FBLN1: variants seen among roughly 807,000 people sequenced by gnomAD.
The protein encoded by FBLN1 is fibulin 1, also known as fibulin-1.
Under a neutral mutation model 89.7 loss-of-function variants are expected in FBLN1, and 34 were observed. That is an observed-to-expected ratio of 0.38 (90% CI 0.29 to 0.50). FBLN1 has a LOEUF of 0.50. FBLN1 is among the 20% of genes least tolerant of loss of function. The pLI is 0.92. For synonymous variants in FBLN1, 393 were observed against 391.3 expected, an observed-to-expected ratio of 1.00 and a Z score of -0.05; for missense variants, 777 against 988.1, an observed-to-expected ratio of 0.79 and a Z score of 2.86.
Position 45,575,318 on chromosome 22 carries a change from G to A in FBLN1, c.1840+665G>A, listed in dbSNP as rs144438279. On this transcript the variant is annotated intron_variant, in intron 15 of 16. Coordinates refer to ENST00000327858, the MANE Select transcript of FBLN1 (RefSeq NM_006486.3). This position sits in a 1 kb window ranked among gnomAD's most constrained non-coding sequence, Gnocchi z 6.3. ...GTGGTGAGGTATTTGAGTGAAAGGG[G>A]GAGAAGGGGAGGAGGGTGCCCAGTG... 1.3e-5 allele frequency among the ~76,000 whole-genome samples: 2 copies of A among 152,166 alleles called. No individual in the cohort carries two copies. Among genetic ancestry groups the A allele is most frequent in the Non-Finnish European group, 1.5e-5 (1 of 68,028 alleles).
intron 2 of FBLN1, among the ~76,000 whole-genome samples, chr22:45,523,635 C>T (rs918860166): frequency 6.6e-6 from 1 of 152,236 alleles, no homozygotes; most frequent in East Asian, 1.9e-4. Context: ...ACCCAGGAAG[C>T]GGAGGTTGCA....
rs2089013626 is a variant in FBLN1, at chr22:45,578,150, C to T, written c.1972+1042C>T. The T allele has an allele frequency of 6.6e-6, 1 of 152,138 alleles. No individual in the cohort carries two copies. The highest frequency in any genetic ancestry group is 2.1e-4 in the South Asian group (1 of 4,830). The allele number at this position is 152,138 out of a possible 1,614,324, so 9.4% of individuals were successfully genotyped here. The stretch of plus-strand genomic sequence containing the variant: ...AACCAGAACCCACGAGCGTGCAGTG[C>T]GCACAGAGCAGAGCGTTTTGGAGCC... On this transcript the variant is annotated intron_variant, in intron 16 of 16. Coordinates refer to ENST00000327858, the MANE Select transcript of FBLN1 (RefSeq NM_006486.3). The surrounding 1 kb of genome is among the most constrained non-coding windows in gnomAD (Gnocchi z 4.6).
Position 45,563,338 on chromosome 22 carries a change from T to C in FBLN1, c.1698-11173T>C. On this transcript the variant is annotated intron_variant, in intron 14 of 16. Coordinates refer to ENST00000327858, the MANE Select transcript of FBLN1 (RefSeq NM_006486.3). This position sits in a 1 kb window ranked among gnomAD's most constrained non-coding sequence, Gnocchi z 5.7. ...CCTGCCCTCCGGGGCGTTAATAAAG[T>C]CTTAGCAAGCGTCCCACACAGTGAG... 1.9e-6 allele frequency: 3 copies of C among 1,606,254 alleles called. No homozygotes were observed. Among genetic ancestry groups the C allele is most frequent in the Non-Finnish European group, 2.5e-6 (3 of 1,178,756 alleles).
rs200212423 is a variant in FBLN1 at position 45,574,043 on chromosome 22, C to T, written c.1698-468C>T. Among the ~76,000 whole-genome samples, 2 of 152,158 alleles carry T rather than the reference C, an allele frequency of 1.3e-5. No individual in the cohort carries two copies. Among genetic ancestry groups the T allele is most frequent in the South Asian group, 2.1e-4 (1 of 4,834 alleles). The stretch of plus-strand genomic sequence containing the variant: ...GCCCTGTGCTGGGCACCGAGCTTGG[C>T]GCTTTCTATCTGCTCCTTCGTTTAT... On this transcript the variant is annotated intron_variant, in intron 14 of 16. Transcript: ENST00000327858. The surrounding 1 kb of genome is among the most constrained non-coding windows in gnomAD (Gnocchi z 4.1).
At chr22:45,555,167 T>C (rs1401047093) in intron 14 of FBLN1, among the ~76,000 whole-genome samples, 1 of 150,078 alleles carries the variant, frequency 6.7e-6, no homozygotes, top group Non-Finnish European at 1.5e-5. Context: ...CCGCAGGAGG[T>C]TGGGACCCGT....
intron 9 of FBLN1, among the ~76,000 whole-genome samples, chr22:45,541,601 G>A (rs1332585837): frequency 2.0e-5 from 3 of 152,124 alleles, no homozygotes; most frequent in Admixed American, 6.5e-5. Flanking sequence ...CAAAGCTCTC[G>A]CACCCCACCC....
chr22:45,528,152 G>C (rs2088356010), intron 4 of FBLN1, 143 bp downstream of exon 4: 4 of 939,938 alleles, frequency 4.3e-6, no homozygotes, highest in Admixed American at 2.0e-5. Flanking sequence ...CTGCAGGGCA[G>C]GCCTTCAGGC....
chr22:45,565,114 C>G, intron 14 of FBLN1: 1 of 1,589,668 alleles, frequency 6.3e-7, no homozygotes, highest in Non-Finnish European at 8.5e-7. Flanking sequence ...GGCCCTCTCT[C>G]TGATCATGCC....
chr22:45,581,232 G>A lies in FBLN1; in HGVS notation c.1972+4124G>A, dbSNP rs931177335. ...CAACTCGAGGCCACCCGGGCTCCCC[G>A]GGCCCCTGGGCTATGGCTGCTGTCT... is the stretch of plus-strand genomic sequence containing the variant. On this transcript the variant is annotated intron_variant, in intron 16 of 16. Coordinates refer to ENST00000327858, the MANE Select transcript of FBLN1 (RefSeq NM_006486.3). The surrounding 1 kb of genome is among the most constrained non-coding windows in gnomAD (Gnocchi z 7.6). Among the ~76,000 whole-genome samples, 3 of 152,142 alleles carry A rather than the reference G, an allele frequency of 2.0e-5. No homozygotes were observed. Among genetic ancestry groups the A allele is most frequent in the African/African-American group, 7.2e-5 (3 of 41,444 alleles).
At chr22:45,506,101 T>C (rs1458171035) in intron 1 of FBLN1, among the ~76,000 whole-genome samples, 1 of 152,268 alleles carries the variant, frequency 6.6e-6, no homozygotes, top group Non-Finnish European at 1.5e-5. Flanking sequence ...CTATTATTCC[T>C]GTTGTCCCCT....
At chr22:45,517,806 C>G in intron 1 of FBLN1, 1 of 365,586 alleles carries the variant, frequency 2.7e-6, no homozygotes, top group Non-Finnish European at 5.5e-6. Context: ...GGAGAAAACA[C>G]GGATGTGGGT....
At chr22:45,567,262 A>G (rs907835883) in intron 14 of FBLN1, among the ~76,000 whole-genome samples, 1 of 152,240 alleles carries the variant, frequency 6.6e-6, no homozygotes, top group Non-Finnish European at 1.5e-5. Flanking sequence ...ATATCTTATT[A>G]GCTAAAGGAG....
intron 16 of FBLN1, among the ~76,000 whole-genome samples, chr22:45,587,935 C>G (rs2089102505): frequency 6.6e-6 from 1 of 152,182 alleles, no homozygotes. Flanking sequence ...CCTTTTGCAA[C>G]TCTCCTCATA....
chr22:45,554,137 C>T (rs2088744741), intron 14 of FBLN1, among the ~76,000 whole-genome samples: 1 of 152,240 alleles, frequency 6.6e-6, no homozygotes, highest in African/African-American at 2.4e-5. Flanking sequence ...TGTCTTCCAG[C>T]CAGTAGAGCG....
intron 3 of FBLN1, 54 bp downstream of exon 3, chr22:45,525,732 C>G (rs2088318395): frequency 6.5e-7 from 1 of 1,549,556 alleles, no homozygotes; most frequent in African/African-American, 1.4e-5. Context: ...GTCGGCAGAC[C>G]CAGGCCCTCC....
At chr22:45,571,111 CAAAAAAAAAAAAA>C (rs542647353) in intron 14 of FBLN1, among the ~76,000 whole-genome samples, 1 of 70,862 alleles carries the variant, frequency 1.4e-5, no homozygotes, top group African/African-American at 5.9e-5. Context: ...ACAAGAGTCT[CAAAAAAAAAAAAA>C]AAAAAAAAAA....
At chr22:45,523,010 G>C in intron 2 of FBLN1, 1 of 600,474 alleles carries the variant, frequency 1.7e-6, no homozygotes, top group East Asian at 2.7e-5. Flanking sequence ...TCCGTCTGAT[G>C]GTTTGTAGGA....
Position 45,548,643 on chromosome 22 carries a change from GC to G in FBLN1, c.1474del (p.His492ThrfsTer39). Reference protein sequence around the residue: ...DIDECALPTGGHICSYRCINI... With the variant: ...DIDECALPTGXHICSYRCINI... ...GACGAGTGCGCCCTGCCCACCGGGG[GC>G]CACATCTGCTCCTACCGCTGCATCA... On this transcript the variant is annotated frameshift_variant, in exon 13 of 17. Transcript: ENST00000327858. LOFTEE classifies it high-confidence loss of function. The G allele has an allele frequency of 6.2e-7, 1 of 1,613,808 alleles. No individual in the cohort carries two copies. The highest frequency in any genetic ancestry group is 8.5e-7 in the Non-Finnish European group (1 of 1,180,018).
intron 1 of FBLN1, among the ~76,000 whole-genome samples, chr22:45,504,537 G>A (rs1469574952): frequency 6.6e-6 from 1 of 152,018 alleles, no homozygotes; most frequent in Non-Finnish European, 1.5e-5. Flanking sequence ...TGGGTGATGG[G>A]TGGGTGGGAC....
Sources: gnomAD v4.1 joint callset for allele counts (sites outside exome capture counted in the v4.1 genomes callset) on GRCh38, gnomAD v4.1.1 for gene constraint, Gnocchi (gnomAD v3.1) non-coding constraint, MANE v1.5 for transcripts, NCBI Gene and HGNC (gene_info 2026-07-23, HGNC 2026-07-21) for gene names.